NDE1: variants seen among roughly 807,000 people sequenced by gnomAD.
NDE1 encodes nuclear distribution protein nudE homolog 1.
A neutral mutation model predicts 43.4 loss-of-function variants in NDE1; 28 were observed. The observed-to-expected ratio is 0.65, with a 90% CI of 0.48 to 0.89. The LOEUF (loss-of-function observed/expected upper bound fraction) is 0.89. Among genes scored for constraint, NDE1 ranks in the 40% least tolerant of loss-of-function variants. The pLI is 0.00. For synonymous variants in NDE1, 184 were observed against 172.0 expected (o/e 1.07, Z -0.55); for missense variants, 441 against 434.1 (o/e 1.02, Z -0.14).
intron 8 of NDE1, among the ~76,000 whole-genome samples, chr16:15,708,634 C>G (rs375112323): frequency 6.6e-6 from 1 of 152,184 alleles, no homozygotes. Context: ...TCATCCTGAT[C>G]TTGGTTTCAA....
chr16:15,687,263 G>T, intron 4 of NDE1, 112 bp from the exon 5 acceptor site: 2 of 1,594,886 alleles, frequency 1.3e-6, no homozygotes, highest in Non-Finnish European at 1.7e-6. Context: ...AGGAAGTTTG[G>T]GGCTGGGACT....
At chr16:15,646,993 T>C (rs2036343984), upstream of NDE1, among the ~76,000 whole-genome samples, 1 of 152,038 alleles carries the variant, frequency 6.6e-6, no homozygotes. Context: ...GAGGTTGCAG[T>C]GAGCCGAGAT....
At chr16:15,661,737 C>G (rs896065676) in intron 1 of NDE1, among the ~76,000 whole-genome samples, 5 of 152,034 alleles carry the variant, frequency 3.3e-5, no homozygotes, top group African/African-American at 1.2e-4. Flanking sequence ...AGGCACTGCA[C>G]CCAGCCACCT....
At chr16:15,719,835 T>C (rs967321166) in intron 8 of NDE1, 1 of 1,403,054 alleles carries the variant, frequency 7.1e-7, no homozygotes, top group South Asian at 1.2e-5. Context: ...GAAGTTCCCA[T>C]TGCACGAGCA....
chr16:15,703,823 T>G, intron 8 of NDE1: 1 of 912,012 alleles, frequency 1.1e-6, no homozygotes, highest in African/African-American at 1.6e-5. Context: ...GTTTTTATAT[T>G]CCTTGTGTGA....
chr16:15,698,073 A>G (rs2151146817), intron 8 of NDE1, among the ~76,000 whole-genome samples: 1 of 152,096 alleles, frequency 6.6e-6, no homozygotes, highest in South Asian at 2.1e-4. Flanking sequence ...AAGTGCTGGG[A>G]TTACAGGCGT....
chr16:15,717,458 C>G lies in NDE1; in HGVS notation c.948-6733C>G, dbSNP rs530678693. The G allele has an allele frequency of 4.4e-6, 5 of 1,132,928 alleles. No individual in the cohort carries two copies. In the East Asian group the frequency reaches 1.3e-4, roughly 29 times the overall value. The allele number at this position is 1,132,928 out of a possible 1,614,324, so 70.2% of individuals were successfully genotyped here. On this transcript the variant is annotated intron_variant, in intron 8 of 8. Transcript: ENST00000396354. ...GGCCTCTGCACGAGTCCCTTGATCC[C>G]GGGCACCCTGTCCTCTCCTTCATCC...
In NDE1 at chr16:15,664,733, T is replaced by C; in HGVS notation, c.-43-3T>C. 7.1e-7 allele frequency: 1 copy of C among 1,412,648 alleles called. No individual in the cohort carries two copies. The highest frequency in any genetic ancestry group is 1.2e-5 in the South Asian group (1 of 86,908). The allele number at this position is 1,412,648 out of a possible 1,614,324, so 87.5% of individuals were successfully genotyped here. A position where few individuals can be genotyped will look rare whatever the true frequency, so the allele number is the denominator to read the frequency against. ...GTAATCATTTTGAAACCTTCTCTCC[T>C]AGACACCATGCCACAAGGAGAGTGA... On this transcript the variant is annotated splice_region_variant and splice_polypyrimidine_tract_variant and intron_variant, in intron 1 of 8. Transcript: ENST00000396354.
At chr16:15,721,226 AC>A (rs1056100956) in intron 8 of NDE1, 19 of 932,102 alleles carry the variant, frequency 2.0e-5, no homozygotes, top group South Asian at 8.7e-5. Context: ...TTATCCTCGG[AC>A]CCCCCAACTC....
rs116588158 is a variant in NDE1 at position 15,652,829 on chromosome 16, A to G, written c.-44+2535A>G. ...AAAGCACATGCCACCATGCTTGGCT[A>G]ATTTTTAAAATTTTTTGTAGAGATT... is the stretch of plus-strand genomic sequence containing the variant. On this transcript the variant is annotated intron_variant, in intron 1 of 8. Coordinates refer to ENST00000396354, the MANE Select transcript of NDE1 (RefSeq NM_017668.3). 4.7e-3 allele frequency among the ~76,000 whole-genome samples: 707 copies of G among 151,914 alleles called. 2 individuals are homozygous for G. The highest frequency in any genetic ancestry group is 0.015 in the African/African-American group (605 of 41,438).
intron 8 of NDE1, among the ~76,000 whole-genome samples, chr16:15,700,950 A>C (rs929435830): frequency 3.3e-5 from 5 of 152,068 alleles, no homozygotes; most frequent in Non-Finnish European, 1.5e-5. Flanking sequence ...TAAAAACTGG[A>C]ATAGGCTGGG....
chr16:15,704,148 A>G (rs1218518653), intron 8 of NDE1: 10 of 1,613,396 alleles, frequency 6.2e-6, no homozygotes, highest in Non-Finnish European at 6.8e-6. Flanking sequence ...AAAACACATT[A>G]TTTAGCAAAG....
At chr16:15,718,320 G>A in intron 8 of NDE1, 1 of 1,609,148 alleles carries the variant, frequency 6.2e-7, no homozygotes, top group Non-Finnish European at 8.5e-7. Context: ...CTCACCTGCT[G>A]TGTGGCTTTG....
At chr16:15,662,702 G>T (rs1209622541) in intron 1 of NDE1, among the ~76,000 whole-genome samples, 2 of 152,122 alleles carry the variant, frequency 1.3e-5, no homozygotes, top group East Asian at 3.9e-4. Flanking sequence ...TCAGCCTCCT[G>T]AGTAGCTGGG....
chr16:15,712,693 C>T (rs573525773), intron 8 of NDE1, among the ~76,000 whole-genome samples: 43 of 151,956 alleles, frequency 2.8e-4, no homozygotes, highest in African/African-American at 8.2e-4. Context: ...CCCCACAGGT[C>T]GGGGGACAAG....
At position 15,687,617 on chromosome 16, in the gene NDE1, C is replaced by T. The variant is rs567823325; in HGVS notation, c.523+106C>T. 533 of 1,079,392 alleles carry T rather than the reference C, an allele frequency of 4.9e-4. 1 individual carries two copies. The highest frequency in any genetic ancestry group is 1.7e-3 in the South Asian group (134 of 79,172). The allele number at this position is 1,079,392 out of a possible 1,614,324, so 66.9% of individuals were successfully genotyped here. A position where few individuals can be genotyped will look rare whatever the true frequency, so the allele number is the denominator to read the frequency against. On this transcript the variant is annotated intron_variant, in intron 5 of 8. Transcript: ENST00000396354. ...ATTATCTTTACAGGGACCCCACACC[C>T]TGCTCTGCACCCAGGTTGTCTAATC...
At chr16:15,699,497 G>C (rs571207248) in intron 8 of NDE1, 19 of 1,122,372 alleles carry the variant, frequency 1.7e-5, no homozygotes, top group African/African-American at 3.3e-5. Flanking sequence ...ACAAACAATA[G>C]GTAAGAGATG....
At chr16:15,706,709 A>C (rs78974169) in intron 8 of NDE1, among the ~76,000 whole-genome samples, 3,480 of 152,226 alleles carry the variant, frequency 0.023, 137 homozygotes, top group African/African-American at 0.079. Flanking sequence ...TCTCCAAAAA[A>C]AAAAACAAAA....
intron 8 of NDE1, chr16:15,701,389 G>A (rs1024412398): frequency 3.3e-5 from 5 of 152,144 alleles, no homozygotes; most frequent in South Asian, 2.1e-4. Flanking sequence ...GGCAAACTGC[G>A]ATCATTCATT....
Sources: gnomAD v4.1 joint callset for allele counts (sites outside exome capture counted in the v4.1 genomes callset) on GRCh38, gnomAD v4.1.1 for gene constraint, MANE v1.5 for transcripts, NCBI Gene and HGNC (gene_info 2026-07-23, HGNC 2026-07-21) for gene names.